The following GPC5 variants were observed in gnomAD, a reference collection of about 807,000 sequenced individuals.
The protein encoded by GPC5 is glypican 5.
GPC5 carries 47 observed loss-of-function variants against 53.9 expected under a neutral mutation model. That is an observed-to-expected ratio of 0.87 (90% CI 0.69 to 1.11). The LOEUF (loss-of-function observed/expected upper bound fraction) is 1.11, where lower values mean the gene tolerates loss of function less well. GPC5 is among the 50% of genes most tolerant of loss of function. The pLI is 0.00. For synonymous variants in GPC5, 286 were observed against 263.3 expected (o/e 1.09, Z -0.84); for missense variants, 748 against 713.1 (o/e 1.05, Z -0.56).
intron 6 of GPC5, among the ~76,000 whole-genome samples, chr13:91,917,472 A>G (rs938813412): frequency 2.6e-5 from 4 of 152,158 alleles, no homozygotes; most frequent in Admixed American, 6.5e-5. Flanking sequence ...CTGTTGGTGG[A>G]TCTACCATTC....
chr13:92,349,248 A>G (rs765629169), intron 7 of GPC5, among the ~76,000 whole-genome samples: 7 of 152,200 alleles, frequency 4.6e-5, no homozygotes, highest in South Asian at 4.1e-4. Context: ...GGTTCAAGCA[A>G]TTCTCCTATC....
intron 6 of GPC5, among the ~76,000 whole-genome samples, chr13:92,090,050 G>A (rs1412276216): frequency 6.6e-6 from 1 of 152,168 alleles, no homozygotes; most frequent in Non-Finnish European, 1.5e-5. Flanking sequence ...GAAAAAGTAT[G>A]TATGGAAGTA....
intron 5 of GPC5, among the ~76,000 whole-genome samples, chr13:91,758,237 T>G (rs1352839290): frequency 2.6e-5 from 4 of 152,118 alleles, no homozygotes; most frequent in African/African-American, 9.7e-5. Context: ...TGTATTCATG[T>G]CAACATTTCT....
At chr13:91,560,245 C>T (rs972040738) in intron 2 of GPC5, among the ~76,000 whole-genome samples, 4 of 152,118 alleles carry the variant, frequency 2.6e-5, no homozygotes, top group Non-Finnish European at 4.4e-5. Context: ...GTATCTCCTA[C>T]AAGGTTCTGT....
chr13:92,039,931 T>A (rs750320769), intron 6 of GPC5, among the ~76,000 whole-genome samples: 1 of 152,112 alleles, frequency 6.6e-6, no homozygotes, highest in Admixed American at 6.5e-5. Flanking sequence ...AACACGTGAG[T>A]TTTGAGGAAA....
intron 7 of GPC5, among the ~76,000 whole-genome samples, chr13:92,700,163 C>T (rs1887682115): frequency 6.6e-6 from 1 of 151,542 alleles, no homozygotes; most frequent in African/African-American, 2.4e-5. Context: ...TTGCATTGAT[C>T]TCTTTACCAT....
intron 7 of GPC5, among the ~76,000 whole-genome samples, chr13:92,250,300 C>T (rs1169222103): frequency 2.6e-5 from 4 of 152,082 alleles, no homozygotes; most frequent in South Asian, 2.1e-4. Flanking sequence ...GCTCGTAATA[C>T]GTGCAACTTT....
chr13:92,158,943 T>G (rs991120562), intron 7 of GPC5, among the ~76,000 whole-genome samples: 2 of 152,198 alleles, frequency 1.3e-5, no homozygotes, highest in African/African-American at 4.8e-5. Flanking sequence ...ACCCAGATGC[T>G]TTTGACCAAA....
intron 7 of GPC5, among the ~76,000 whole-genome samples, chr13:92,822,785 A>G (rs1877717465): frequency 6.6e-6 from 1 of 152,174 alleles, no homozygotes; most frequent in South Asian, 2.1e-4. Flanking sequence ...TCAAAAAAGA[A>G]GCAGATGTAT....
At chr13:91,473,256 T>A (rs1287726014) in intron 2 of GPC5, among the ~76,000 whole-genome samples, 1 of 152,106 alleles carries the variant, frequency 6.6e-6, no homozygotes, top group East Asian at 1.9e-4. Context: ...TATAATCCTG[T>A]AAGGATTACA....
chr13:92,034,365 G>A (rs2040876771), intron 6 of GPC5, among the ~76,000 whole-genome samples: 1 of 152,084 alleles, frequency 6.6e-6, no homozygotes, highest in Non-Finnish European at 1.5e-5. Context: ...CAGCATGGTG[G>A]TGGATGCCTG....
rs535592003 is a variant in GPC5, at chr13:92,305,790, A to C, written c.1561+160801A>C. On this transcript the variant is annotated intron_variant, in intron 7 of 7. Transcript: ENST00000377067. ...TCTAAGTTTGATCCCAAGCCTTTAG[A>C]CTACAAAGTCCACGATTTCTTCCCC... Among the ~76,000 whole-genome samples, 4 of 152,296 alleles carry C rather than the reference A, an allele frequency of 2.6e-5. No individual in the cohort carries two copies. The East Asian group carries it at 7.7e-4, about 29-fold the overall frequency.
intron 4 of GPC5, among the ~76,000 whole-genome samples, chr13:91,729,739 T>C (rs186480891): frequency 1.0e-3 from 155 of 152,310 alleles, no homozygotes; most frequent in African/African-American, 3.7e-3. Flanking sequence ...TTCTTGCACT[T>C]GAAAAATCAG....
chr13:92,657,579 GTTTTTTT>G (rs67038073), intron 7 of GPC5, among the ~76,000 whole-genome samples: 172 of 106,716 alleles, frequency 1.6e-3, no homozygotes, highest in Middle Eastern at 0.012. Flanking sequence ...AGGTTTTTTG[GTTTTTTT>G]TTTTTTTTTT....
intron 7 of GPC5, among the ~76,000 whole-genome samples, chr13:92,699,254 C>T (rs1299263337): frequency 6.6e-6 from 1 of 152,074 alleles, no homozygotes; most frequent in Non-Finnish European, 1.5e-5. Flanking sequence ...GTTTTTATTT[C>T]TGTTGGATTG....
intron 5 of GPC5, among the ~76,000 whole-genome samples, chr13:91,902,730 T>C (rs2138988554): frequency 6.6e-6 from 1 of 152,212 alleles, no homozygotes; most frequent in South Asian, 2.1e-4. Flanking sequence ...ATAAAAATTA[T>C]TGGTTACAAA....
At chr13:91,609,770 C>T (rs9515956) in intron 2 of GPC5, among the ~76,000 whole-genome samples, 75,092 of 152,014 alleles carry the variant, frequency 0.49, 22,357 homozygotes, top group East Asian at 0.69. Context: ...GGTTTTTATA[C>T]GCCAGAGTAA....
intron 7 of GPC5, among the ~76,000 whole-genome samples, chr13:92,259,547 A>G (rs9523558): frequency 1.3e-5 from 2 of 151,816 alleles, no homozygotes; most frequent in African/African-American, 4.8e-5. Context: ...TGAATAGTCT[A>G]CCCTATCATT....
intron 7 of GPC5, among the ~76,000 whole-genome samples, chr13:92,580,442 G>C (rs1883335309): frequency 6.6e-6 from 1 of 151,978 alleles, no homozygotes; most frequent in African/African-American, 2.4e-5. Flanking sequence ...AAACACAATT[G>C]AACATGAAAA....
Sources: gnomAD v4.1 joint callset for allele counts (sites outside exome capture counted in the v4.1 genomes callset) on GRCh38, gnomAD v4.1.1 for gene constraint, MANE v1.5 for transcripts, NCBI Gene and HGNC (gene_info 2026-07-23, HGNC 2026-07-21) for gene names.